Variants in ELOVL5 observed in about 807,000 individuals in gnomAD.
The protein encoded by ELOVL5 is ELOVL fatty acid elongase 5.
In ELOVL5, 8 loss-of-function variants were observed where a neutral mutation model predicts 38.6. The ratio of observed to expected loss-of-function variants is 0.21; its 90% CI spans 0.12 to 0.37. The LOEUF is 0.37. ELOVL5 is among the 10% of genes least tolerant of loss of function. The pLI is 1.00. For synonymous variants in ELOVL5, 127 were observed against 133.7 expected, an observed-to-expected ratio of 0.95 and a Z score of 0.34; for missense variants, 280 against 367.8, an observed-to-expected ratio of 0.76 and a Z score of 1.95.
chr6:53,294,797 G>A (rs1485505826), intron 2 of ELOVL5, among the ~76,000 whole-genome samples: 2 of 152,128 alleles, frequency 1.3e-5, no homozygotes, highest in African/African-American at 4.8e-5. Flanking sequence ...ATGCTGTAAT[G>A]AGCATCCTGA....
chr6:53,337,269 G>C (rs1300013818), intron 1 of ELOVL5: 1 of 152,230 alleles, frequency 6.6e-6, no homozygotes, highest in Non-Finnish European at 1.5e-5. Flanking sequence ...CGTTCATCCT[G>C]ATGAAGCCAC....
chr6:53,327,752 A>G (rs758595238), intron 1 of ELOVL5, among the ~76,000 whole-genome samples: 10 of 152,206 alleles, frequency 6.6e-5, no homozygotes, highest in Non-Finnish European at 1.5e-4. Flanking sequence ...CAATTCATAC[A>G]GTATCTTTCC....
intron 3 of ELOVL5, among the ~76,000 whole-genome samples, chr6:53,284,971 T>C (rs1038800142): frequency 6.6e-6 from 1 of 152,200 alleles, no homozygotes; most frequent in Admixed American, 6.5e-5. Flanking sequence ...TAACCATCTC[T>C]TTCTTCTCTG....
chr6:53,294,998 T>C (rs1766935654), intron 2 of ELOVL5, among the ~76,000 whole-genome samples: 1 of 152,256 alleles, frequency 6.6e-6, no homozygotes, highest in Non-Finnish European at 1.5e-5. Context: ...TATTATTTCA[T>C]CTCTGCCATG....
At position 53,286,345 on chromosome 6, in the gene ELOVL5, T is replaced by C. The variant is rs538406133; in HGVS notation, c.246+5431A>G. ...GGGAGGCTGATGTGGGAGGATCACT[T>C]TGAGTCCAGGAGTTTGAGATCAGTC... On this transcript the variant is annotated intron_variant, in intron 3 of 7. Transcript: ENST00000304434. 4.6e-5 allele frequency among the ~76,000 whole-genome samples: 7 copies of C among 152,238 alleles called. No homozygotes were observed. In the East Asian group the frequency reaches 9.7e-4, roughly 21 times the overall value.
intron 1 of ELOVL5, among the ~76,000 whole-genome samples, chr6:53,303,469 T>C (rs1262548949): frequency 6.6e-6 from 1 of 152,338 alleles, no homozygotes; most frequent in Non-Finnish European, 1.5e-5. Context: ...CTAACCTCCA[T>C]TCTAAGGAAG....
At chr6:53,337,586 G>A (rs752230827) in intron 1 of ELOVL5, among the ~76,000 whole-genome samples, 9 of 152,142 alleles carry the variant, frequency 5.9e-5, no homozygotes, top group Non-Finnish European at 1.2e-4. Context: ...ACAGCCATTA[G>A]CACATATTAT....
intron 1 of ELOVL5, among the ~76,000 whole-genome samples, chr6:53,299,625 G>T (rs1045708565): frequency 5.9e-5 from 9 of 152,204 alleles, no homozygotes; most frequent in Non-Finnish European, 2.9e-5. Flanking sequence ...GCTACCAAAA[G>T]AGACTGTGGA....
At chr6:53,298,930 G>A (rs1312649565) in intron 1 of ELOVL5, among the ~76,000 whole-genome samples, 1 of 150,872 alleles carries the variant, frequency 6.6e-6, no homozygotes, top group Non-Finnish European at 1.5e-5. Context: ...TATATCAGGA[G>A]AGGAACTTGT....
At chr6:53,291,230 TCAGA>T (rs1225276287) in intron 3 of ELOVL5, among the ~76,000 whole-genome samples, 7 of 152,158 alleles carry the variant, frequency 4.6e-5, no homozygotes, top group Non-Finnish European at 8.8e-5. Context: ...GGGCCTGAAC[TCAGA>T]CAGACAATTC....
intron 1 of ELOVL5, among the ~76,000 whole-genome samples, chr6:53,326,492 T>C (rs775267031): frequency 1.3e-4 from 20 of 152,050 alleles, no homozygotes; most frequent in Non-Finnish European, 2.4e-4. Flanking sequence ...CGTTTCCTTT[T>C]CACATTCTGC....
chr6:53,322,106 A>C (rs916394477), intron 1 of ELOVL5, among the ~76,000 whole-genome samples: 1 of 152,240 alleles, frequency 6.6e-6, no homozygotes, highest in Non-Finnish European at 1.5e-5. Flanking sequence ...GGATTTTAAA[A>C]AGCACAGTTC....
chr6:53,297,932 A>T (rs1278881750), intron 1 of ELOVL5, among the ~76,000 whole-genome samples: 1 of 152,224 alleles, frequency 6.6e-6, no homozygotes, highest in African/African-American at 2.4e-5. Context: ...TGTTTCGTAA[A>T]GAGAATTCCT....
rs1561860763 is a variant in ELOVL5 at position 53,270,746 on chromosome 6, TG to T, written c.622-20del. 4.3e-6 allele frequency: 7 copies of T among 1,613,966 alleles called. No homozygotes were observed. In the Admixed American group the frequency reaches 6.7e-5, roughly 15 times the overall value. On this transcript the variant is annotated intron_variant, in intron 6 of 7. Coordinates refer to ENST00000304434, the MANE Select transcript of ELOVL5 (RefSeq NM_021814.5). ...ACTGAAGCTAGGGGAACAGAGGGGA[TG>T]CAGCTGAACAGGGACAGTGCATGGA... is the stretch of plus-strand genomic sequence containing the variant.
In ELOVL5 at chr6:53,270,677, C is replaced by G. The variant is rs200269657; in HGVS notation, c.672G>C (p.Pro224=). 8 of 1,614,150 alleles carry G rather than the reference C, an allele frequency of 5.0e-6. No individual in the cohort carries two copies. Among genetic ancestry groups the G allele is most frequent in the South Asian group, 2.2e-5 (2 of 91,070 alleles). ...ACAACCAACCAAGAGGGAATGTGCA[C>G]GGCCAGATGACCCCGCAGCTGGTCT... ...IIQTSCGVIW[P]CTFPLGWLYF... The change falls in exon 7 of 8, where the codon CCG becomes CCC. Residue 224 remains proline (P), a synonymous_variant. Coordinates refer to ENST00000304434, the MANE Select transcript of ELOVL5 (RefSeq NM_021814.5).
intron 1 of ELOVL5, among the ~76,000 whole-genome samples, chr6:53,332,559 G>A (rs1017683120): frequency 3.3e-5 from 5 of 152,090 alleles, no homozygotes; most frequent in Admixed American, 3.3e-4. Flanking sequence ...TACACAGAAC[G>A]GAGCAGGAGG....
At chr6:53,270,397 C>T (rs1171361711) in intron 7 of ELOVL5, among the ~76,000 whole-genome samples, 196 bp downstream of exon 7, 2 of 152,222 alleles carry the variant, frequency 1.3e-5, no homozygotes, top group East Asian at 3.8e-4. Context: ...CTCACCCAGG[C>T]TCTAGAACAG....
rs1370583480 is a variant in ELOVL5 at position 53,267,687 on chromosome 6, C to A, written c.*1440G>T. 1 of 152,552 alleles carries A rather than the reference C, an allele frequency of 6.6e-6. No homozygotes were observed. Among genetic ancestry groups the A allele is most frequent in the Non-Finnish European group, 1.5e-5 (1 of 68,014 alleles). The allele number at this position is 152,552 out of a possible 1,614,324, so 9.4% of individuals were successfully genotyped here. On this transcript the variant is annotated 3_prime_UTR_variant, in exon 8 of 8. Coordinates refer to ENST00000304434, the MANE Select transcript of ELOVL5 (RefSeq NM_021814.5). ...ATAGGCTCCCTATAGTACGAATGTG[C>A]AAAATTAAAGCATGGTAAACTGATA...
rs948426209 is a variant in ELOVL5, at chr6:53,319,423, C to T, written c.-8-23716G>A. Among the ~76,000 whole-genome samples, 11 of 150,620 alleles carry T rather than the reference C, an allele frequency of 7.3e-5. No individual in the cohort carries two copies. The South Asian group carries it at 8.5e-4, about 12-fold the overall frequency. On this transcript the variant is annotated intron_variant, in intron 1 of 7. Coordinates refer to ENST00000304434, the MANE Select transcript of ELOVL5 (RefSeq NM_021814.5). ...GTTGTTTCAAACACTTAAAAGTTTT[C>T]TAATAGTTGAAAATCAATAAAAAAT...
Sources: gnomAD v4.1 joint callset for allele counts (sites outside exome capture counted in the v4.1 genomes callset) on GRCh38, gnomAD v4.1.1 for gene constraint, MANE v1.5 for transcripts, NCBI Gene and HGNC (gene_info 2026-07-23, HGNC 2026-07-21) for gene names.